The following ZNF69 variants were observed in gnomAD, a reference collection of about 807,000 sequenced individuals.
The protein encoded by ZNF69 is zinc finger protein 69, also known as ZNF3.
ZNF69 carries 47 observed loss-of-function variants against 50.9 expected under a neutral mutation model. The ratio of observed to expected loss-of-function variants is 0.92; its 90% CI spans 0.73 to 1.18. The LOEUF is 1.18. ZNF69 is among the 50% of genes most tolerant of loss of function. ZNF69 has a pLI of 0.00. For synonymous variants in ZNF69, 216 were observed against 223.1 expected (o/e 0.97, Z 0.29); for missense variants, 717 against 675.1 (o/e 1.06, Z -0.69).
At chr19:11,945,393 A>C in the ZNF69 span, among the ~76,000 whole-genome samples, 3 of 152,198 alleles carry the variant, frequency 2.0e-5, no homozygotes, top group Non-Finnish European at 4.4e-5. Flanking sequence ...ACCAAGCACA[A>C]GTCCTGTACT....
chr19:11,963,627 G>A, the ZNF69 span, among the ~76,000 whole-genome samples: 3 of 152,012 alleles, frequency 2.0e-5, no homozygotes, highest in African/African-American at 2.4e-5. Flanking sequence ...AAGTTTTCAC[G>A]TCCCAATCGG....
chr19:11,951,338 C>G, the ZNF69 span, among the ~76,000 whole-genome samples: 1 of 150,802 alleles, frequency 6.6e-6, no homozygotes, highest in Non-Finnish European at 1.5e-5. Context: ...AAGTGATTCT[C>G]CTGCTTCAGC....
the ZNF69 span, chr19:11,949,179 T>C: frequency 6.2e-7 from 1 of 1,612,878 alleles, no homozygotes; most frequent in South Asian, 1.1e-5. Context: ...AAACTCACAC[T>C]GGAGAGAAAC....
At chr19:11,917,555 T>A (rs896392156), downstream of ZNF69, among the ~76,000 whole-genome samples, 1 of 152,230 alleles carries the variant, frequency 6.6e-6, no homozygotes, top group Non-Finnish European at 1.5e-5. Context: ...GCTGCCTACC[T>A]GAGCTGCCTC....
chr19:11,939,048 C>G, the ZNF69 span, among the ~76,000 whole-genome samples: 1 of 152,150 alleles, frequency 6.6e-6, no homozygotes, highest in East Asian at 1.9e-4. Context: ...CTGTTCATGT[C>G]CTTTGCCCAC....
At chr19:11,964,726 C>T in the ZNF69 span, among the ~76,000 whole-genome samples, 1 of 152,236 alleles carries the variant, frequency 6.6e-6, no homozygotes, top group Admixed American at 6.5e-5. Context: ...AAATTCCCTG[C>T]ACACTCCTGT....
downstream of ZNF69, among the ~76,000 whole-genome samples, chr19:11,908,015 G>A (rs556137779): frequency 1.9e-3 from 295 of 152,190 alleles, no homozygotes; most frequent in Non-Finnish European, 3.5e-3. Context: ...AAAAAAGCAG[G>A]GGTTGCAATC....
the ZNF69 span, chr19:11,947,282 A>G: frequency 6.2e-7 from 1 of 1,613,984 alleles, no homozygotes; most frequent in Non-Finnish European, 8.5e-7. Context: ...TGATGCTGGA[A>G]ACTTTCAGGA....
chr19:11,947,621 A>G, the ZNF69 span: 4 of 1,462,010 alleles, frequency 2.7e-6, no homozygotes, highest in Non-Finnish European at 1.9e-6. Flanking sequence ...GCACAATCTT[A>G]GAATATGAGA....
the ZNF69 span, among the ~76,000 whole-genome samples, chr19:11,929,224 C>T: frequency 1.3e-4 from 20 of 148,456 alleles, 1 homozygote; most frequent in Admixed American, 6.0e-4. Flanking sequence ...GGAGTGCAGG[C>T]GCGATCTCAG....
the ZNF69 span, chr19:11,979,091 C>T: frequency 1.4e-4 from 227 of 1,613,934 alleles, no homozygotes; most frequent in Non-Finnish European, 1.9e-4. Flanking sequence ...AGAATGCGCT[C>T]TGGAGAAAGA....
chr19:11,936,333 A>G, the ZNF69 span, among the ~76,000 whole-genome samples: 1 of 152,152 alleles, frequency 6.6e-6, no homozygotes, highest in African/African-American at 2.4e-5. Context: ...ATTTCTCCAC[A>G]TCCTCTCCAG....
downstream of ZNF69, among the ~76,000 whole-genome samples, chr19:11,918,949 G>C (rs550807816): frequency 2.7e-5 from 4 of 149,520 alleles, no homozygotes; most frequent in Non-Finnish European, 5.9e-5. Context: ...AGGCTGGAGT[G>C]CAGTGGTGCG....
At chr19:11,954,987 T>G in the ZNF69 span, among the ~76,000 whole-genome samples, 1 of 150,178 alleles carries the variant, frequency 6.7e-6, no homozygotes, top group African/African-American at 2.5e-5. Context: ...TAGAGTTTGT[T>G]TCAAAAAAAT....
At chr19:11,975,324 C>T in the ZNF69 span, among the ~76,000 whole-genome samples, 14 of 151,988 alleles carry the variant, frequency 9.2e-5, no homozygotes, top group Non-Finnish European at 1.5e-4. Context: ...CCGCCCCACC[C>T]ACACCCCCCA....
At chr19:11,977,447 A>G in the ZNF69 span, 1 of 1,613,444 alleles carries the variant, frequency 6.2e-7, no homozygotes, top group East Asian at 2.2e-5. Context: ...TGGCACTTAA[A>G]GAGAAAGCAG....
chr19:11,949,832 G>C, the ZNF69 span: 7 of 1,605,334 alleles, frequency 4.4e-6, no homozygotes, highest in Non-Finnish European at 5.9e-6. Flanking sequence ...GCCTTCAGTT[G>C]TGCCTCAAAC....
the ZNF69 span, among the ~76,000 whole-genome samples, chr19:11,940,435 G>C: frequency 6.6e-6 from 1 of 152,140 alleles, no homozygotes; most frequent in East Asian, 1.9e-4. Flanking sequence ...TGGTCTCGCT[G>C]GCTCAGGAGT....
intron 1 of ZNF69, among the ~76,000 whole-genome samples, chr19:11,897,817 A>G (rs1048834841): frequency 6.6e-6 from 1 of 150,808 alleles, no homozygotes. Context: ...GGTTGCAGTG[A>G]GCCAAGATGG....
Sources: gnomAD v4.1 joint callset for allele counts (sites outside exome capture counted in the v4.1 genomes callset) on GRCh38, gnomAD v4.1.1 for gene constraint, MANE v1.5 for transcripts, NCBI Gene and HGNC (gene_info 2026-07-23, HGNC 2026-07-21) for gene names.